ZBTB7C: variants seen among roughly 807,000 people sequenced by gnomAD.
The protein encoded by ZBTB7C is zinc finger and BTB domain containing 7C, also known as zinc finger and BTB domain-containing protein 7C.
In ZBTB7C, 8 loss-of-function variants were observed where a neutral mutation model predicts 25.7. The observed-to-expected ratio is 0.31, with a 90% CI of 0.18 to 0.56. ZBTB7C has a LOEUF of 0.56. ZBTB7C is among the 20% of genes least tolerant of loss of function. The probability of loss-of-function intolerance (pLI) is 0.91; values close to 1 mark genes in which losing one functional copy is unlikely to be tolerated. For missense variants in ZBTB7C, 824 were observed against 855.2 expected (o/e 0.96, Z 0.46); for synonymous variants, 394 against 369.0 (o/e 1.07, Z -0.78).
chr18:48,332,404 C>T (rs2046360418), intron 2 of ZBTB7C, among the ~76,000 whole-genome samples: 1 of 152,202 alleles, frequency 6.6e-6, no homozygotes, highest in African/African-American at 2.4e-5. Flanking sequence ...CTCCCTTTCA[C>T]ATGGCAGCTG....
intron 1 of ZBTB7C, among the ~76,000 whole-genome samples, chr18:48,338,827 T>C (rs369087026): frequency 8.7e-5 from 13 of 150,232 alleles, no homozygotes; most frequent in African/African-American, 2.9e-4. Flanking sequence ...TATATAGAAG[T>C]GCAAGGACAC....
chr18:48,127,921 C>T (rs1040003965), intron 3 of ZBTB7C, among the ~76,000 whole-genome samples: 2 of 152,184 alleles, frequency 1.3e-5, no homozygotes, highest in South Asian at 2.1e-4. Flanking sequence ...TCCACAGCTG[C>T]GTGTCCACAA....
At position 48,390,273 on chromosome 18, in the gene ZBTB7C, A is replaced by G. The variant is rs545387981; in HGVS notation, c.-304+18953T>C. Among the ~76,000 whole-genome samples the G allele has an allele frequency of 9.0e-5, 13 of 143,664 alleles. 1 individual carries two copies. In the South Asian group the frequency reaches 2.9e-3, roughly 32 times the overall value. The allele number at this position is 143,664 out of a possible 152,430, so 94.2% of individuals were successfully genotyped here. On this transcript the variant is annotated intron_variant, in intron 1 of 4. Transcript: ENST00000590800. ...TTTTTTAATACATGGATACATTTTA[A>G]TCAAAATGGAATCATACCCCCAAAA...
At chr18:48,084,303 T>C (rs776187621) in intron 3 of ZBTB7C, among the ~76,000 whole-genome samples, 5 of 152,200 alleles carry the variant, frequency 3.3e-5, no homozygotes, top group Non-Finnish European at 7.4e-5. Flanking sequence ...TCCTGCCAGA[T>C]GATATGCCAT....
intron 1 of ZBTB7C, among the ~76,000 whole-genome samples, chr18:48,344,565 G>C (rs2046683629): frequency 6.6e-6 from 1 of 152,192 alleles, no homozygotes; most frequent in African/African-American, 2.4e-5. Context: ...CCAAAACAGA[G>C]AAGGAGTAGA....
At chr18:48,357,846 C>G (rs1215442970) in intron 1 of ZBTB7C, among the ~76,000 whole-genome samples, 1 of 152,204 alleles carries the variant, frequency 6.6e-6, no homozygotes, top group Non-Finnish European at 1.5e-5. Flanking sequence ...ACTAACGGCA[C>G]AGAGTAGAAG....
chr18:48,306,599 T>C (rs918416967), intron 2 of ZBTB7C, among the ~76,000 whole-genome samples: 2 of 152,198 alleles, frequency 1.3e-5, no homozygotes, highest in Non-Finnish European at 2.9e-5. Flanking sequence ...CTGACTTCCA[T>C]ATAGAATTCC....
chr18:48,109,522 G>A (rs2039156670), intron 3 of ZBTB7C, among the ~76,000 whole-genome samples: 1 of 152,150 alleles, frequency 6.6e-6, no homozygotes, highest in Non-Finnish European at 1.5e-5. Flanking sequence ...CTTATGGATG[G>A]TTTCTAACTT....
At chr18:48,388,973 T>C (rs1273178919) in intron 1 of ZBTB7C, among the ~76,000 whole-genome samples, 3 of 152,174 alleles carry the variant, frequency 2.0e-5, no homozygotes, top group Non-Finnish European at 4.4e-5. Context: ...TGTATCGTCT[T>C]GTTTACAGGA....
intron 1 of ZBTB7C, among the ~76,000 whole-genome samples, chr18:48,357,921 T>TC (rs574635465): frequency 1.8e-3 from 275 of 152,302 alleles, no homozygotes; most frequent in African/African-American, 6.1e-3. Flanking sequence ...TGACATGTAA[T>TC]CCCCAGCGTT....
chr18:48,240,633 GACAA>G (rs2043498478), intron 2 of ZBTB7C, among the ~76,000 whole-genome samples: 1 of 152,092 alleles, frequency 6.6e-6, no homozygotes, highest in Non-Finnish European at 1.5e-5. Context: ...GTCTTTTTCA[GACAA>G]ACAAATGATG....
At position 48,040,181 on chromosome 18, in the gene ZBTB7C, G is replaced by T. The variant is rs374693035; in HGVS notation, c.927C>A (p.Phe309Leu). The part of the protein sequence containing the change: ...PPPPPPFPND[F>L]FKDMFPDLPG... ...GCAGGTCAGGGAACATGTCCTTGAA[G>T]AAGTCATTAGGGAAGGGTGGCGGTG... Residue 309 changes from phenylalanine (F) to leucine (L), a missense_variant, in exon 4 of 5, where the codon TTC becomes TTA. Coordinates refer to ENST00000590800, the MANE Select transcript of ZBTB7C (RefSeq NM_001318841.2). The T allele has an allele frequency of 3.2e-4, 500 of 1,575,432 alleles. No homozygotes were observed. Among genetic ancestry groups the T allele is most frequent in the Non-Finnish European group, 4.2e-4 (488 of 1,161,908 alleles).
chr18:48,103,112 T>TCTATCTATCTATC (rs371534337), intron 3 of ZBTB7C, among the ~76,000 whole-genome samples: 1 of 130,964 alleles, frequency 7.6e-6, no homozygotes, highest in African/African-American at 2.9e-5. Flanking sequence ...ATATTTTATA[T>TCTATCTATCTATC]TATCTATCTA....
At chr18:48,357,864 T>C (rs2145081439) in intron 1 of ZBTB7C, among the ~76,000 whole-genome samples, 1 of 152,356 alleles carries the variant, frequency 6.6e-6, no homozygotes, top group South Asian at 2.1e-4. Flanking sequence ...AAGTTTTTGT[T>C]ACACAGCGGA....
intron 2 of ZBTB7C, among the ~76,000 whole-genome samples, chr18:48,268,443 T>C (rs1354311117): frequency 1.3e-5 from 2 of 152,082 alleles, no homozygotes; most frequent in South Asian, 4.1e-4. Context: ...TGGGTGGAAA[T>C]AACTAAGAAG....
chr18:48,156,776 G>C (rs1009540373), intron 3 of ZBTB7C, among the ~76,000 whole-genome samples: 1 of 152,078 alleles, frequency 6.6e-6, no homozygotes, highest in Non-Finnish European at 1.5e-5. Flanking sequence ...GAAAGGAACA[G>C]CAGGGAATGT....
At chr18:48,146,791 G>A (rs935400514) in intron 3 of ZBTB7C, among the ~76,000 whole-genome samples, 1 of 152,184 alleles carries the variant, frequency 6.6e-6, no homozygotes, top group Non-Finnish European at 1.5e-5. Flanking sequence ...CACACTTGCT[G>A]TTGATATGTC....
At chr18:48,089,130 T>C (rs780963417) in intron 3 of ZBTB7C, among the ~76,000 whole-genome samples, 6 of 152,182 alleles carry the variant, frequency 3.9e-5, no homozygotes, top group Non-Finnish European at 7.4e-5. Flanking sequence ...ATAATCTGAA[T>C]TGCTGATTGA....
chr18:48,175,373 C>T (rs1361931879), intron 3 of ZBTB7C, among the ~76,000 whole-genome samples: 1 of 151,968 alleles, frequency 6.6e-6, no homozygotes, highest in African/African-American at 2.4e-5. Context: ...GTTTGGGGAG[C>T]CGAGGTTTCA....
Sources: allele counts gnomAD v4.1 joint callset (sites outside exome capture counted in the v4.1 genomes callset), GRCh38; gene constraint gnomAD v4.1.1; transcripts MANE v1.5; gene names NCBI Gene and HGNC (gene_info 2026-07-23, HGNC 2026-07-21).